Variants in ATXN7L1 observed in about 807,000 individuals in gnomAD.
ATXN7L1 encodes the protein ataxin 7 like 1, also known as ataxin-7-like protein 1.
Under a neutral mutation model 70.8 loss-of-function variants are expected in ATXN7L1, and 15 were observed. The ratio of observed to expected loss-of-function variants is 0.21; its 90% confidence interval spans 0.14 to 0.33. The LOEUF (loss-of-function observed/expected upper bound fraction) is 0.33. ATXN7L1 is among the 10% of genes least tolerant of loss of function. The probability of loss-of-function intolerance (pLI) is 1.00; values close to 1 mark genes in which losing one functional copy is unlikely to be tolerated. For missense variants in ATXN7L1, 975 were observed against 1,097.1 expected (o/e 0.89, Z 1.57); for synonymous variants, 440 against 445.1 (o/e 0.99, Z 0.14).
At chr7:105,641,510 T>C (rs1798251881) in intron 5 of ATXN7L1, among the ~76,000 whole-genome samples, 1 of 152,166 alleles carries the variant, frequency 6.6e-6, no homozygotes, top group Non-Finnish European at 1.5e-5. Context: ...AAAAACAATG[T>C]GCGGCAAAAA....
intron 8 of ATXN7L1, among the ~76,000 whole-genome samples, chr7:105,621,232 T>C (rs1357098120): frequency 6.6e-6 from 1 of 152,204 alleles, no homozygotes; most frequent in African/African-American, 2.4e-5. Flanking sequence ...TCCTTCTTCT[T>C]TTTGTCAATC....
chr7:105,645,594 A>G (rs1031899176), intron 4 of ATXN7L1, among the ~76,000 whole-genome samples: 6 of 151,678 alleles, frequency 4.0e-5, no homozygotes, highest in Admixed American at 4.0e-4. Context: ...CAGGAGATCA[A>G]GACCATCCTG....
At chr7:105,608,557 G>A (rs1003175418) in intron 11 of ATXN7L1, among the ~76,000 whole-genome samples, 1 of 152,144 alleles carries the variant, frequency 6.6e-6, no homozygotes, top group African/African-American at 2.4e-5. Context: ...TGCAGGCTGT[G>A]TTTGGTGAGG....
chr7:105,643,790 G>C (rs1353063043), intron 4 of ATXN7L1, among the ~76,000 whole-genome samples: 1 of 152,252 alleles, frequency 6.6e-6, no homozygotes, highest in African/African-American at 2.4e-5. Context: ...GCTGGCAGGT[G>C]AAAGGATGAA....
intron 9 of ATXN7L1, among the ~76,000 whole-genome samples, chr7:105,619,937 T>A (rs1438738548): frequency 6.6e-6 from 1 of 152,112 alleles, no homozygotes; most frequent in African/African-American, 2.4e-5. Context: ...CAATATATTA[T>A]CTAACATCCT....
At position 105,816,139 on chromosome 7, in the gene ATXN7L1, C is replaced by A. The variant is rs78152209; in HGVS notation, c.251-27431G>T. On this transcript the variant is annotated intron_variant, in intron 2 of 11. Coordinates refer to ENST00000419735, the MANE Select transcript of ATXN7L1 (RefSeq NM_020725.2). ...GTGGGTGGTACAAGAGGGCCAAATT[C>A]TTCTAACGGGAAGTCAGTAGGCAGT... Among the ~76,000 whole-genome samples the A allele has an allele frequency of 3.1e-3, 471 of 152,168 alleles. 3 individuals carry two copies. Among genetic ancestry groups the A allele is most frequent in the African/African-American group, 0.01 (431 of 41,516 alleles).
At chr7:105,680,536 A>AG (rs1293910143) in intron 3 of ATXN7L1, among the ~76,000 whole-genome samples, 2 of 152,150 alleles carry the variant, frequency 1.3e-5, no homozygotes, top group Non-Finnish European at 1.5e-5. Flanking sequence ...GGAATGTAGT[A>AG]GGGGGGTGTT....
At chr7:105,842,941 G>C (rs1335276884) in intron 2 of ATXN7L1, among the ~76,000 whole-genome samples, 1 of 152,146 alleles carries the variant, frequency 6.6e-6, no homozygotes, top group African/African-American at 2.4e-5. Context: ...GTTTTGATTT[G>C]CATTTCCCTA....
chr7:105,718,038 C>A (rs991459550), intron 3 of ATXN7L1, among the ~76,000 whole-genome samples: 1 of 152,126 alleles, frequency 6.6e-6, no homozygotes, highest in African/African-American at 2.4e-5. Flanking sequence ...TTAAAACGTT[C>A]TTTTGGTAAA....
chr7:105,835,529 C>T (rs370061965), intron 2 of ATXN7L1, among the ~76,000 whole-genome samples: 35 of 152,106 alleles, frequency 2.3e-4, no homozygotes, highest in African/African-American at 3.6e-4. Flanking sequence ...TTTCAGACCA[C>T]GCACTTGAAA....
chr7:105,770,089 G>T lies in ATXN7L1; in HGVS notation c.355+18515C>A, dbSNP rs374651977. Reference sequence around the variant, plus strand: ...CTGCCTGGATCAAGATCTGACTGGTGCATGTAGCAGGGAGATGACATTTTG... The same window carrying T: ...CTGCCTGGATCAAGATCTGACTGGTTCATGTAGCAGGGAGATGACATTTTG... On this transcript the variant is annotated intron_variant, in intron 3 of 11. Transcript: ENST00000419735. Among the ~76,000 whole-genome samples, 4 of 152,360 alleles carry T rather than the reference G, an allele frequency of 2.6e-5. No homozygotes were observed. In the East Asian group the frequency reaches 5.8e-4, roughly 22 times the overall value.
intron 3 of ATXN7L1, among the ~76,000 whole-genome samples, chr7:105,678,237 A>T (rs1805014367): frequency 6.6e-6 from 1 of 152,180 alleles, no homozygotes; most frequent in Admixed American, 6.5e-5. Context: ...CAGGACAGAA[A>T]GGGGCCTAAA....
intron 3 of ATXN7L1, among the ~76,000 whole-genome samples, chr7:105,672,733 C>A (rs1274275081): frequency 1.3e-5 from 2 of 152,120 alleles, no homozygotes; most frequent in Non-Finnish European, 2.9e-5. Context: ...GCCAGCGGGA[C>A]CTCTCCTTTC....
chr7:105,837,423 G>A (rs1281812160), intron 2 of ATXN7L1, among the ~76,000 whole-genome samples: 1 of 150,534 alleles, frequency 6.6e-6, no homozygotes, highest in African/African-American at 2.5e-5. Context: ...ATTTAAGATG[G>A]ATCCCTGCTT....
At chr7:105,789,001 C>T (rs1804734110) in intron 2 of ATXN7L1, among the ~76,000 whole-genome samples, 1 of 152,226 alleles carries the variant, frequency 6.6e-6, no homozygotes, top group Non-Finnish European at 1.5e-5. Flanking sequence ...GGGAATCACC[C>T]TGTCCTGAGA....
At chr7:105,808,956 G>A (rs1158585279) in intron 2 of ATXN7L1, among the ~76,000 whole-genome samples, 3 of 152,214 alleles carry the variant, frequency 2.0e-5, no homozygotes, top group Admixed American at 1.3e-4. Flanking sequence ...CCAACCTACG[G>A]GGCATAGAAG....
chr7:105,725,903 CTTTTTTT>C (rs34850752), intron 3 of ATXN7L1, among the ~76,000 whole-genome samples: 1 of 130,736 alleles, frequency 7.6e-6, no homozygotes, highest in Non-Finnish European at 1.6e-5. Context: ...TTCTTTCTTT[CTTTTTTT>C]TTTTTTTTTT....
chr7:105,844,222 C>T (rs1451497743), intron 2 of ATXN7L1, among the ~76,000 whole-genome samples: 2 of 152,182 alleles, frequency 1.3e-5, no homozygotes, highest in East Asian at 3.9e-4. Context: ...TTGGTCAAGA[C>T]TGAGTCACAA....
chr7:105,779,919 A>C (rs1486596821), intron 3 of ATXN7L1, among the ~76,000 whole-genome samples: 3 of 152,232 alleles, frequency 2.0e-5, no homozygotes, highest in Non-Finnish European at 2.9e-5. Flanking sequence ...ACAACTAACA[A>C]TAACAGTAAC....
Sources: gnomAD v4.1 joint callset for allele counts (sites outside exome capture counted in the v4.1 genomes callset) on GRCh38, gnomAD v4.1.1 for gene constraint, MANE v1.5 for transcripts, NCBI Gene and HGNC (gene_info 2026-07-23, HGNC 2026-07-21) for gene names.